The following DENND11 variants were observed in gnomAD, a reference collection of about 807,000 sequenced individuals.
DENND11 encodes DENN domain containing 11.
DENND11 carries 34 observed loss-of-function variants against 49.2 expected under a neutral mutation model. That is an observed-to-expected ratio of 0.69 (90% CI 0.53 to 0.92). The LOEUF (loss-of-function observed/expected upper bound fraction) is 0.92, where lower values mean the gene tolerates loss of function less well. DENND11 is among the 40% of genes least tolerant of loss of function. The pLI, the probability that DENND11 is intolerant of heterozygous loss-of-function variation, is 0.00. For synonymous variants in DENND11, 238 were observed against 230.3 expected, an observed-to-expected ratio of 1.03 and a Z score of -0.30; for missense variants, 475 against 581.6, an observed-to-expected ratio of 0.82 and a Z score of 1.88.
chr7:141,701,848 G>T, intron 1 of DENND11, 38 bp downstream of exon 1: 3 of 1,155,490 alleles, frequency 2.6e-6, no homozygotes, highest in Admixed American at 4.8e-5. Flanking sequence ...GGGGCACCCC[G>T]ACCCTCCCCA....
At chr7:141,697,493 C>A (rs146069681) in intron 1 of DENND11, among the ~76,000 whole-genome samples, 3 of 152,140 alleles carry the variant, frequency 2.0e-5, no homozygotes, top group East Asian at 1.9e-4. Flanking sequence ...TCTCTTCCTG[C>A]GAGACGTTCT....
In DENND11 at chr7:141,685,521, T is replaced by A; in HGVS notation, c.484A>T (p.Thr162Ser). ...AAGTGCATGTAGCGGTAAAGCAGTG[T>A]GTAGGAGGGAGAGAGGATGCCCACA... ...KSVGILSPSY[T>S]LLYRYMHFLE... Residue 162 changes from threonine to serine, a missense_variant, in exon 3 of 9, where the codon ACA becomes TCA. By Grantham distance (58) the Thr-to-Ser change is moderately conservative. Transcript: ENST00000536163. 1 of 1,613,870 alleles carries A rather than the reference T, an allele frequency of 6.2e-7. No homozygotes were observed. Among genetic ancestry groups the A allele is most frequent in the Non-Finnish European group, 8.5e-7 (1 of 1,179,862 alleles).
chr7:141,673,356 C>A (rs1352599927), intron 4 of DENND11, among the ~76,000 whole-genome samples: 4 of 152,162 alleles, frequency 2.6e-5, no homozygotes, highest in Admixed American at 2.0e-4. Flanking sequence ...AAGTGACAGA[C>A]CATGGTTCTC....
intron 3 of DENND11, among the ~76,000 whole-genome samples, chr7:141,679,437 G>T (rs867330318): frequency 4.4e-4 from 67 of 152,232 alleles, no homozygotes; most frequent in African/African-American, 1.5e-3. Context: ...AAAAGGCTGG[G>T]TGTGGTGGCT....
intron 1 of DENND11, among the ~76,000 whole-genome samples, chr7:141,693,892 T>C (rs1273449109): frequency 6.6e-6 from 1 of 152,234 alleles, no homozygotes; most frequent in Non-Finnish European, 1.5e-5. Flanking sequence ...GATACTGTTA[T>C]GGTGGATACA....
intron 3 of DENND11, among the ~76,000 whole-genome samples, chr7:141,679,761 T>G (rs911701754): frequency 8.4e-5 from 12 of 142,934 alleles, no homozygotes; most frequent in African/African-American, 3.1e-4. Context: ...AACAACAAAA[T>G]GTAGCAAAGG....
intron 4 of DENND11, among the ~76,000 whole-genome samples, chr7:141,668,285 C>T (rs996427427): frequency 2.6e-5 from 4 of 152,058 alleles, no homozygotes; most frequent in African/African-American, 7.2e-5. Flanking sequence ...GTTGAAGCTT[C>T]GACATAAAGA....
In DENND11 at chr7:141,658,314, T is replaced by A. The variant is rs1797730261; in HGVS notation, c.*4342A>T. On this transcript the variant is annotated 3_prime_UTR_variant, in exon 9 of 9. Coordinates refer to ENST00000536163, the MANE Select transcript of DENND11 (RefSeq NM_001080392.2). ...GCTTCTAGGAAGAGAGGTATATTAG[T>A]GATAAAAATGGAATATTAAAAATCC... 1 of 152,146 alleles carries A rather than the reference T, an allele frequency of 6.6e-6. No homozygotes were observed. Among genetic ancestry groups the A allele is most frequent in the Non-Finnish European group, 1.5e-5 (1 of 68,044 alleles). 9.4% of individuals were successfully genotyped at this position (152,146 alleles called of 1,614,324 possible). A position where few individuals can be genotyped will look rare whatever the true frequency, so the allele number is the denominator to read the frequency against.
chr7:141,665,442 C>A (rs1388695420), intron 5 of DENND11, 124 bp from the exon 6 acceptor site: 4 of 1,340,124 alleles, frequency 3.0e-6, no homozygotes, highest in East Asian at 2.5e-5. Context: ...GTGGTCCTGG[C>A]GTTCTGAGGA....
intron 3 of DENND11, among the ~76,000 whole-genome samples, chr7:141,678,553 A>C (rs1798102890): frequency 6.6e-6 from 1 of 152,220 alleles, no homozygotes; most frequent in Non-Finnish European, 1.5e-5. Context: ...ATCTAGCTTC[A>C]ATAATATTTG....
chr7:141,686,680 A>C (rs752928878), intron 1 of DENND11, 22 bp from the exon 2 acceptor site: 1 of 1,549,214 alleles, frequency 6.5e-7, no homozygotes, highest in Non-Finnish European at 8.9e-7. Flanking sequence ...GGAAGATGCA[A>C]GTTAAAAGAA....
At chr7:141,685,357 T>C in intron 3 of DENND11, 121 bp downstream of exon 3, 1 of 1,248,488 alleles carries the variant, frequency 8.0e-7, no homozygotes, top group South Asian at 1.4e-5. Context: ...AACATCGCCA[T>C]GGATGTTCTT....
intron 3 of DENND11, among the ~76,000 whole-genome samples, chr7:141,681,083 G>A (rs1263844536): frequency 6.6e-6 from 1 of 152,136 alleles, no homozygotes; most frequent in Non-Finnish European, 1.5e-5. Flanking sequence ...TAGAAAGCTG[G>A]CAACCCTTGT....
Position 141,701,999 on chromosome 7 carries a change from G to C in DENND11, c.155C>G (p.Pro52Arg). ...PAAEPPRRRE[P>R]EEPAAPEVLL... is the part of the protein sequence containing the mutation. The stretch of plus-strand genomic sequence containing the variant: ...CACCTCCGGGGCGGCCGGCTCCTCG[G>C]GCTCCCGCCTCCGGGGCGGCTCCGC... The change falls in exon 1 of 9, where the codon CCC becomes CGC. Residue 52 changes from proline (P) to arginine (R), a missense_variant. Pro to Arg is a moderately radical substitution (Grantham distance 103). Transcript: ENST00000536163. 1 of 1,136,924 alleles carries C rather than the reference G, an allele frequency of 8.8e-7. No homozygotes were observed. Among genetic ancestry groups the C allele is most frequent in the Non-Finnish European group, 1.1e-6 (1 of 927,710 alleles). 70.4% of individuals were successfully genotyped at this position (1,136,924 alleles called of 1,614,324 possible).
At chr7:141,679,104 A>G (rs1346431463) in intron 3 of DENND11, among the ~76,000 whole-genome samples, 1 of 152,208 alleles carries the variant, frequency 6.6e-6, no homozygotes, top group African/African-American at 2.4e-5. Context: ...AATTTATGTA[A>G]AAGTTGCTGC....
In DENND11 at chr7:141,657,938, CCT is replaced by C. The variant is rs1797723432; in HGVS notation, c.*4716_*4717del. ...TAAAAATAAGAATGATGACATTTAC[CCT>C]TTTTTGTACTAGAGCTTTACTGAAG... On this transcript the variant is annotated 3_prime_UTR_variant, in exon 9 of 9. Transcript: ENST00000536163. 6.6e-6 allele frequency: 1 copy of C among 152,592 alleles called. No individual in the cohort carries two copies. Among genetic ancestry groups the C allele is most frequent in the African/African-American group, 2.4e-5 (1 of 41,450 alleles). 9.5% of individuals were successfully genotyped at this position (152,592 alleles called of 1,614,324 possible).
At chr7:141,686,534 A>G in intron 2 of DENND11, 25 bp downstream of exon 2, 1 of 1,455,810 alleles carries the variant, frequency 6.9e-7, no homozygotes, top group Non-Finnish European at 9.6e-7. Flanking sequence ...TGGTACGAAG[A>G]TGACTCCAGT....
chr7:141,669,935 C>G (rs942951596), intron 4 of DENND11, among the ~76,000 whole-genome samples: 3 of 150,402 alleles, frequency 2.0e-5, no homozygotes, highest in Non-Finnish European at 3.0e-5. Context: ...CTCAGCCTCC[C>G]GAGTAGCTGG....
intron 3 of DENND11, among the ~76,000 whole-genome samples, chr7:141,685,059 T>TA (rs56243093): frequency 7.0e-6 from 1 of 142,840 alleles, no homozygotes; most frequent in African/African-American, 2.5e-5. Context: ...TATATATATA[T>TA]TTTTAAGTTC....
Sources: gnomAD v4.1 joint callset for allele counts (sites outside exome capture counted in the v4.1 genomes callset) on GRCh38, gnomAD v4.1.1 for gene constraint, MANE v1.5 for transcripts, NCBI Gene and HGNC (gene_info 2026-07-23, HGNC 2026-07-21) for gene names.